The following GALNT13 variants were observed in gnomAD, a reference collection of about 807,000 sequenced individuals.
GALNT13 encodes UDP-GalNAc:polypeptide N-acetylgalactosaminyltransferase 13.
GALNT13 carries 28 observed loss-of-function variants against 64.2 expected under a neutral mutation model. The ratio of observed to expected loss-of-function variants is 0.44; its 90% CI spans 0.32 to 0.60. GALNT13 has a LOEUF of 0.60. Ranked by LOEUF, GALNT13 falls within the 20% of genes least tolerant of loss-of-function variation. GALNT13 has a pLI of 0.05. For missense variants in GALNT13, 577 were observed against 669.8 expected (o/e 0.86, Z 1.53); for synonymous variants, 214 against 224.6 (o/e 0.95, Z 0.42).
At chr2:154,093,533 T>C (rs1330396589) in intron 3 of GALNT13, among the ~76,000 whole-genome samples, 2 of 151,988 alleles carry the variant, frequency 1.3e-5, no homozygotes, top group African/African-American at 4.8e-5. Flanking sequence ...AGGAAAACAG[T>C]TCAAACTGAC....
chr2:153,726,975 T>C, the GALNT13 span, among the ~76,000 whole-genome samples: 5 of 146,442 alleles, frequency 3.4e-5, no homozygotes, highest in African/African-American at 1.3e-4. Flanking sequence ...AAACCACACA[T>C]ATTAGGTTGC....
At chr2:153,412,423 A>T in the GALNT13 span, among the ~76,000 whole-genome samples, 1 of 152,212 alleles carries the variant, frequency 6.6e-6, no homozygotes, top group East Asian at 1.9e-4. Flanking sequence ...TGGCATCATA[A>T]GTGAGAATTT....
At chr2:153,415,359 T>C in the GALNT13 span, among the ~76,000 whole-genome samples, 1 of 152,076 alleles carries the variant, frequency 6.6e-6, no homozygotes, top group East Asian at 1.9e-4. Context: ...CACGGTCACA[T>C]AGGAGAGCCA....
At chr2:153,932,616 T>C (rs1356997766) in intron 2 of GALNT13, among the ~76,000 whole-genome samples, 2 of 143,780 alleles carry the variant, frequency 1.4e-5, no homozygotes, top group Admixed American at 7.1e-5. Flanking sequence ...TTTTCTTTTT[T>C]TCTGTCTTTC....
chr2:153,744,154 A>C, the GALNT13 span, among the ~76,000 whole-genome samples: 12 of 152,150 alleles, frequency 7.9e-5, no homozygotes, highest in Admixed American at 7.2e-4. Flanking sequence ...ATAGCCATCT[A>C]TTCAATATAC....
chr2:153,987,180 C>T (rs1302461688), intron 3 of GALNT13, among the ~76,000 whole-genome samples: 2 of 151,752 alleles, frequency 1.3e-5, no homozygotes, highest in African/African-American at 2.4e-5. Context: ...GGATGAGAGC[C>T]GGATCTCTGG....
At chr2:153,093,229 TTCTTTTCTTTTC>T in the GALNT13 span, among the ~76,000 whole-genome samples, 1 of 99,818 alleles carries the variant, frequency 1.0e-5, no homozygotes, top group Non-Finnish European at 2.5e-5. Flanking sequence ...CTTTCTTTTT[TTCTTTTCTTTTC>T]TTTTTTTTTT....
At chr2:154,043,455 T>TATATACAC (rs1341373277) in intron 3 of GALNT13, among the ~76,000 whole-genome samples, 1,173 of 104,396 alleles carry the variant, frequency 0.011, 19 homozygotes, top group East Asian at 0.041. Flanking sequence ...TATATATATA[T>TATATACAC]ACACACATGT....
At chr2:154,080,564 A>G (rs1195193991) in intron 3 of GALNT13, among the ~76,000 whole-genome samples, 1 of 151,470 alleles carries the variant, frequency 6.6e-6, no homozygotes, top group East Asian at 1.9e-4. Context: ...TCTCTCAAAC[A>G]AGGTGACAAG....
At chr2:153,257,045 G>A in the GALNT13 span, among the ~76,000 whole-genome samples, 8 of 152,316 alleles carry the variant, frequency 5.3e-5, no homozygotes, top group South Asian at 6.2e-4. Flanking sequence ...GCGCCCCTCC[G>A]CCAGCCTCGC....
At chr2:153,482,769 C>CT in the GALNT13 span, among the ~76,000 whole-genome samples, 22,337 of 144,510 alleles carry the variant, frequency 0.15, 2,621 homozygotes, top group African/African-American at 0.33. Context: ...CGCACCCAGC[C>CT]TTTTTTTTTT....
At position 154,302,831 on chromosome 2, in the gene GALNT13, G is replaced by A. The variant is rs1037782289; in HGVS notation, c.1156+1242G>A. On this transcript the variant is annotated intron_variant, in intron 9 of 12. Coordinates refer to ENST00000392825, the MANE Select transcript of GALNT13 (RefSeq NM_052917.4). ...ATTATACAGATGAAGTATCATTGGT[G>A]GCCACCTTAGAGGCAATAGTTGGCA... Among the ~76,000 whole-genome samples, 4 of 152,074 alleles carry A rather than the reference G, an allele frequency of 2.6e-5. No individual in the cohort carries two copies. The East Asian group carries it at 7.7e-4, about 29-fold the overall frequency.
At chr2:153,330,521 T>A in the GALNT13 span, among the ~76,000 whole-genome samples, 1 of 152,320 alleles carries the variant, frequency 6.6e-6, no homozygotes, top group East Asian at 1.9e-4. Flanking sequence ...TTATTTTTTG[T>A]GTGTCTGTTT....
chr2:153,756,422 A>G, the GALNT13 span, among the ~76,000 whole-genome samples: 1 of 152,158 alleles, frequency 6.6e-6, no homozygotes, highest in African/African-American at 2.4e-5. Flanking sequence ...ACTAGTTGCC[A>G]TAGCTATTTT....
chr2:153,294,880 C>A, the GALNT13 span, among the ~76,000 whole-genome samples: 6 of 152,054 alleles, frequency 3.9e-5, no homozygotes, highest in Non-Finnish European at 8.8e-5. Flanking sequence ...AAAGTTTTTT[C>A]ACTGTATCTT....
chr2:153,268,495 C>A, the GALNT13 span, among the ~76,000 whole-genome samples: 2 of 152,198 alleles, frequency 1.3e-5, no homozygotes, highest in African/African-American at 4.8e-5. Flanking sequence ...CATTGAGTGC[C>A]TGAGGCCTTT....
intron 1 of GALNT13, among the ~76,000 whole-genome samples, chr2:153,887,846 A>G (rs536430011): frequency 6.6e-6 from 1 of 152,158 alleles, no homozygotes; most frequent in Admixed American, 6.6e-5. Context: ...TGTAAAATAG[A>G]GAACATTTTA....
the GALNT13 span, among the ~76,000 whole-genome samples, chr2:153,162,795 C>T: frequency 6.6e-6 from 1 of 152,174 alleles, no homozygotes; most frequent in South Asian, 2.1e-4. Context: ...TCAGTTCTGA[C>T]CATGAGATTC....
the GALNT13 span, among the ~76,000 whole-genome samples, chr2:153,482,205 A>G: frequency 6.6e-6 from 1 of 152,188 alleles, no homozygotes; most frequent in Non-Finnish European, 1.5e-5. Flanking sequence ...ATTTTTCTTA[A>G]TGACAGGATA....
Sources: allele counts gnomAD v4.1 joint callset (sites outside exome capture counted in the v4.1 genomes callset), GRCh38; gene constraint gnomAD v4.1.1; transcripts MANE v1.5; gene names NCBI Gene and HGNC (gene_info 2026-07-23, HGNC 2026-07-21).